MAP2K5: variants seen among roughly 807,000 people sequenced by gnomAD.
MAP2K5 encodes the protein dual specificity mitogen-activated protein kinase kinase 5.
Under a neutral mutation model 83.1 loss-of-function variants are expected in MAP2K5, and 49 were observed. The ratio of observed to expected loss-of-function variants is 0.59; its 90% CI spans 0.47 to 0.75. The LOEUF (loss-of-function observed/expected upper bound fraction) is 0.75, where lower values mean the gene tolerates loss of function less well. MAP2K5 is among the 30% of genes least tolerant of loss of function. The pLI, the probability that MAP2K5 is intolerant of heterozygous loss-of-function variation, is 0.00. For synonymous variants in MAP2K5, 202 were observed against 191.8 expected (o/e 1.05, Z -0.44); for missense variants, 457 against 557.5 (o/e 0.82, Z 1.82).
intron 16 of MAP2K5, among the ~76,000 whole-genome samples, chr15:67,711,253 A>G (rs2088685095): frequency 6.6e-6 from 1 of 152,230 alleles, no homozygotes; most frequent in Non-Finnish European, 1.5e-5. Flanking sequence ...GAAAATAAAG[A>G]TCAGAGTTTA....
chr15:67,726,760 C>T (rs2089105154), intron 16 of MAP2K5, among the ~76,000 whole-genome samples: 1 of 152,120 alleles, frequency 6.6e-6, no homozygotes. Context: ...GATCCATTAG[C>T]GTTAAAGTCC....
intron 4 of MAP2K5, among the ~76,000 whole-genome samples, chr15:67,584,797 C>A (rs576282346): frequency 6.6e-6 from 1 of 150,504 alleles, no homozygotes; most frequent in Non-Finnish European, 1.5e-5. Flanking sequence ...TCCTGCCTCA[C>A]GACATTCTCC....
At chr15:67,735,546 G>C (rs62015165) in intron 17 of MAP2K5, among the ~76,000 whole-genome samples, 16,393 of 152,188 alleles carry the variant, frequency 0.11, 979 homozygotes, top group Admixed American at 0.11. Flanking sequence ...TCAAAAGAGT[G>C]CAGTCCAGTT....
At chr15:67,557,140 C>T (rs1176082438) in intron 2 of MAP2K5, among the ~76,000 whole-genome samples, 1 of 152,176 alleles carries the variant, frequency 6.6e-6, no homozygotes, top group East Asian at 1.9e-4. Flanking sequence ...TTAATGAGTA[C>T]ACCAACACAT....
Position 67,783,484 on chromosome 15 carries a change from C to A in MAP2K5, c.1242+10732C>A, listed in dbSNP as rs986123957. Among the ~76,000 whole-genome samples the A allele has an allele frequency of 1.3e-5, 2 of 152,190 alleles. No homozygotes were observed. The highest frequency in any genetic ancestry group is 6.5e-5 in the Admixed American group (1 of 15,272). ...CACCTCCGAAACCCAACTGGCACAA[C>A]CTCTGTGAAGCTTTGCTAAGCGTGC... is the stretch of plus-strand genomic sequence containing the variant. On this transcript the variant is annotated intron_variant, in intron 21 of 21. Coordinates refer to ENST00000178640, the MANE Select transcript of MAP2K5 (RefSeq NM_145160.3). The surrounding 1 kb of genome is among the most constrained non-coding windows in gnomAD (Gnocchi z 5.1).
At chr15:67,706,171 G>A (rs1223900563) in intron 16 of MAP2K5, among the ~76,000 whole-genome samples, 2 of 152,150 alleles carry the variant, frequency 1.3e-5, no homozygotes, top group Non-Finnish European at 2.9e-5. Flanking sequence ...TGAAATATGT[G>A]TCTGTCTGCC....
Position 67,794,794 on chromosome 15 carries a change from T to G in MAP2K5, c.1243-11852T>G, listed in dbSNP as rs1460277671. ...ATTTTCCACTTTGGCTCAGTCTTTGTGTAAATGGTTTGTTTCTCCCTGTTA... is the reference window on the plus strand; with the variant it reads ...ATTTTCCACTTTGGCTCAGTCTTTGGGTAAATGGTTTGTTTCTCCCTGTTA... On this transcript the variant is annotated intron_variant, in intron 21 of 21. Transcript: ENST00000178640. This position sits in a 1 kb window ranked among gnomAD's most constrained non-coding sequence, Gnocchi z 4.6. Among the ~76,000 whole-genome samples, 1 of 152,264 alleles carries G rather than the reference T, an allele frequency of 6.6e-6. No homozygotes were observed. Among genetic ancestry groups the G allele is most frequent in the Non-Finnish European group, 1.5e-5 (1 of 68,050 alleles).
chr15:67,572,976 G>A lies in MAP2K5; in HGVS notation c.253-7778G>A, dbSNP rs1381735381. Among the ~76,000 whole-genome samples the A allele has an allele frequency of 6.6e-6, 1 of 152,146 alleles. No individual in the cohort carries two copies. The highest frequency in any genetic ancestry group is 1.9e-4 in the East Asian group (1 of 5,194). On this transcript the variant is annotated intron_variant, in intron 3 of 21. Coordinates refer to ENST00000178640, the MANE Select transcript of MAP2K5 (RefSeq NM_145160.3). The surrounding 1 kb of genome is among the most constrained non-coding windows in gnomAD (Gnocchi z 4.2). The stretch of plus-strand genomic sequence containing the variant: ...CTGCCAAAGTGCTGGGATTACAGGC[G>A]TGAGCCACCGTGCCTGGCCTGATAT...
intron 16 of MAP2K5, among the ~76,000 whole-genome samples, chr15:67,710,945 C>T (rs2088676657): frequency 6.6e-6 from 1 of 152,204 alleles, no homozygotes; most frequent in South Asian, 2.1e-4. Context: ...TTCTTCATCT[C>T]CCCAAGATAC....
chr15:67,702,212 G>A lies in MAP2K5; in HGVS notation c.973-1125G>A, dbSNP rs939112165. Among the ~76,000 whole-genome samples, 2 of 152,112 alleles carry A rather than the reference G, an allele frequency of 1.3e-5. No individual in the cohort carries two copies. Among genetic ancestry groups the A allele is most frequent in the Admixed American group, 6.5e-5 (1 of 15,276 alleles). On this transcript the variant is annotated intron_variant, in intron 15 of 21. Coordinates refer to ENST00000178640, the MANE Select transcript of MAP2K5 (RefSeq NM_145160.3). This position sits in a 1 kb window ranked among gnomAD's most constrained non-coding sequence, Gnocchi z 4.6. ...CCTCATTTTCCTCATCTGTTAAATG[G>A]TGATGATAAAATAGTACCAATATTA... is the stretch of plus-strand genomic sequence containing the variant.
At chr15:67,679,170 C>T (rs568565397) in intron 13 of MAP2K5, among the ~76,000 whole-genome samples, 5 of 152,070 alleles carry the variant, frequency 3.3e-5, no homozygotes, top group African/African-American at 4.8e-5. Flanking sequence ...GGGCAGTGGG[C>T]GGAGGAGCCC....
chr15:67,565,530 T>G lies in MAP2K5; in HGVS notation c.252+2180T>G, dbSNP rs1393966745. Reference sequence around the variant, plus strand: ...GGCATGAGCCACTGTGCCCGGCCTGTCATCATCATTATTAAATTCTGAATA... The same window carrying G: ...GGCATGAGCCACTGTGCCCGGCCTGGCATCATCATTATTAAATTCTGAATA... On this transcript the variant is annotated intron_variant, in intron 3 of 21. Coordinates refer to ENST00000178640, the MANE Select transcript of MAP2K5 (RefSeq NM_145160.3). This position sits in a 1 kb window ranked among gnomAD's most constrained non-coding sequence, Gnocchi z 4.1. Among the ~76,000 whole-genome samples the G allele has an allele frequency of 6.6e-6, 1 of 151,836 alleles. No individual in the cohort carries two copies. The highest frequency in any genetic ancestry group is 1.9e-4 in the East Asian group (1 of 5,160).
intron 3 of MAP2K5, among the ~76,000 whole-genome samples, chr15:67,576,129 CTGGTCT>C (rs2085060232): frequency 6.9e-6 from 1 of 145,866 alleles, no homozygotes; most frequent in East Asian, 2.1e-4. Flanking sequence ...GTTGGCCAGG[CTGGTCT>C]TGAACTCCTG....
chr15:67,682,377 C>T (rs1210869464), intron 13 of MAP2K5, among the ~76,000 whole-genome samples: 1 of 151,912 alleles, frequency 6.6e-6, no homozygotes, highest in Non-Finnish European at 1.5e-5. Flanking sequence ...GCACACGCCA[C>T]CACACCCAGC....
At chr15:67,585,571 A>G (rs1348487492) in intron 4 of MAP2K5, among the ~76,000 whole-genome samples, 1 of 152,206 alleles carries the variant, frequency 6.6e-6, no homozygotes, top group Non-Finnish European at 1.5e-5. Context: ...AATGTAATAG[A>G]ATGAGGACAG....
chr15:67,684,981 T>C (rs776013242), intron 13 of MAP2K5, among the ~76,000 whole-genome samples: 1 of 152,060 alleles, frequency 6.6e-6, no homozygotes, highest in Non-Finnish European at 1.5e-5. Context: ...GTCTAAGATA[T>C]ATGTGTTAAG....
intron 12 of MAP2K5, 141 bp from the exon 13 acceptor site, chr15:67,664,456 G>T: frequency 1.2e-5 from 6 of 510,664 alleles, no homozygotes; most frequent in East Asian, 3.6e-5. Flanking sequence ...AGCAGTGATT[G>T]TACCCCACAG....
chr15:67,718,426 C>T (rs1226735799), intron 16 of MAP2K5, among the ~76,000 whole-genome samples: 4 of 152,164 alleles, frequency 2.6e-5, no homozygotes, highest in Admixed American at 6.5e-5. Flanking sequence ...GAAGTAAACA[C>T]GTGAGATGGG....
intron 16 of MAP2K5, among the ~76,000 whole-genome samples, chr15:67,703,791 C>A (rs533243091): frequency 6.6e-6 from 1 of 152,302 alleles, no homozygotes; most frequent in East Asian, 1.9e-4. Context: ...CAGAAAAATT[C>A]TGTGCCCTGT....
Sources: allele counts gnomAD v4.1 joint callset (sites outside exome capture counted in the v4.1 genomes callset), GRCh38; gene constraint gnomAD v4.1.1; non-coding constraint Gnocchi (gnomAD v3.1); transcripts MANE v1.5; gene names NCBI Gene and HGNC (gene_info 2026-07-23, HGNC 2026-07-21).